The following CACNA1F variants were observed in gnomAD, a reference collection of about 807,000 sequenced individuals.
The protein encoded by CACNA1F is calcium voltage-gated channel subunit alpha1 F, also known as voltage-dependent L-type calcium channel subunit alpha-1F.
A neutral mutation model predicts 143.8 loss-of-function variants in CACNA1F; 59 were observed. That is an observed-to-expected ratio of 0.41 (90% CI 0.33 to 0.51). The LOEUF (loss-of-function observed/expected upper bound fraction) is 0.51. Ranked by LOEUF, CACNA1F falls within the 20% of genes least tolerant of loss-of-function variation. CACNA1F has a pLI of 0.22. For missense variants in CACNA1F, 1,411 were observed against 1,647.5 expected (o/e 0.86, Z 2.48); for synonymous variants, 643 against 649.1 (o/e 0.99, Z 0.14).
intron 39 of CACNA1F, 90 bp downstream of exon 39, chrX:49,210,211 G>A (rs2147895474): frequency 2.7e-6 from 2 of 742,618 alleles, no homozygotes; most frequent in East Asian, 6.3e-5. Context: ...CCATTCTGGG[G>A]TTCAGAGCTA....
chrX:49,225,786 T>G, intron 13 of CACNA1F, 123 bp downstream of exon 13: 1 of 501,513 alleles, frequency 2.0e-6, no homozygotes, highest in Non-Finnish European at 3.4e-6. Context: ...GGCTCTGGAT[T>G]TATTTGGGTA....
At position 49,226,276 on chromosome X, in the gene CACNA1F, G is replaced by A. The variant is rs73498074; in HGVS notation, c.1464-33C>T. The A allele has an allele frequency of 1.1e-3, 1,322 of 1,176,693 alleles. 13 individuals carry two copies. The African/African-American group carries it at 0.019, about 17-fold the overall frequency. On this transcript the variant is annotated intron_variant, in intron 11 of 47. Coordinates refer to ENST00000323022, the MANE Select transcript of CACNA1F (RefSeq NM_001256789.3). ...AGAAGGGGGATGGGAGGTGTGTGTC[G>A]TAAAGGGCAGAAGGGGTGTCAGTGA...
chrX:49,212,298 T>C lies in CACNA1F; in HGVS notation c.3953A>G (p.Tyr1318Cys), dbSNP rs2065664540. Residue 1318 changes from tyrosine to cysteine, a missense_variant, in exon 34 of 48, where the codon TAT becomes TGT. Tyr to Cys is a radical substitution (Grantham distance 194). Transcript: ENST00000323022. ...TFIKSFQALP[Y>C]VALLIAMIFF... Reference sequence around the variant, plus strand: ...TATCATTGCGATGAGAAGAGCCACATAGGGCAAGGCCTATAGGGATGGGGG... The same window carrying C: ...TATCATTGCGATGAGAAGAGCCACACAGGGCAAGGCCTATAGGGATGGGGG... The C allele has an allele frequency of 2.5e-6, 3 of 1,203,008 alleles. No homozygotes were observed. Among genetic ancestry groups the C allele is most frequent in the Admixed American group, 2.2e-5 (1 of 45,993 alleles).
chrX:49,226,990 G>A lies in CACNA1F; in HGVS notation c.1256C>T (p.Pro419Leu). Residue 419 changes from proline (P) to leucine (L), a missense_variant, in exon 9 of 48, where the codon CCC becomes CTC. Physicochemically the swap from Pro to Leu is moderately conservative, Grantham distance 98. Transcript: ENST00000323022. ...AGAACCAAGGTTGTCATCGGCGGAG[G>A]GGTCCTCCATGTCCAGCTCTTCGGC... ...TQAEELDMEDPSADDNLGPQL... is the reference protein window; with the variant it reads ...TQAEELDMEDLSADDNLGPQL... 1 of 1,211,917 alleles carries A rather than the reference G, an allele frequency of 8.3e-7. No homozygotes were observed. Among genetic ancestry groups the A allele is most frequent in the South Asian group, 1.8e-5 (1 of 56,986 alleles).
Position 49,210,055 on chromosome X carries a change from A to T in CACNA1F, c.4589-13T>A. 1.8e-6 allele frequency: 2 copies of T among 1,142,594 alleles called. No individual in the cohort carries two copies. The highest frequency in any genetic ancestry group is 2.4e-6 in the Non-Finnish European group (2 of 832,652). 94.2% of individuals were successfully genotyped at this position (1,142,594 alleles called of 1,213,427 possible). A position where few individuals can be genotyped will look rare whatever the true frequency, so the allele number is the denominator to read the frequency against. On this transcript the variant is annotated splice_polypyrimidine_tract_variant and intron_variant, in intron 39 of 47. Coordinates refer to ENST00000323022, the MANE Select transcript of CACNA1F (RefSeq NM_001256789.3). ...TGCTCCAGGTTCCCTGCGTTGGAGG[A>T]GGATGTGGGGCATGAGCCAATAGGA...
Position 49,214,215 on chromosome X carries a change from A to G in CACNA1F, c.3652T>C (p.Phe1218Leu), listed in dbSNP as rs910396299. ...NYAMDILNMVFTGLFTIEMVL... is the reference protein window; with the variant it reads ...NYAMDILNMVLTGLFTIEMVL... ...ATCTCAATAGTGAAGAGGCCAGTGAAGACCATGTTGAGGATGTCCATGGCA... is the reference window on the plus strand; with the variant it reads ...ATCTCAATAGTGAAGAGGCCAGTGAGGACCATGTTGAGGATGTCCATGGCA... Residue 1218 changes from phenylalanine (F) to leucine (L), a missense_variant, in exon 30 of 48, where the codon TTC becomes CTC. Coordinates refer to ENST00000323022, the MANE Select transcript of CACNA1F (RefSeq NM_001256789.3). The G allele has an allele frequency of 5.0e-6, 6 of 1,204,825 alleles. No individual in the cohort carries two copies. In the African/African-American group the frequency reaches 8.7e-5, roughly 18 times the overall value.
chrX:49,228,263 A>G lies in CACNA1F; in HGVS notation c.1002T>C (p.Asp334=). The part of the protein sequence containing the change: ...FQCVTMEGWT[D]VLYWMQDAMG... ...CAGTCCACCTCACCCAGTAGAGCAC[A>G]TCGGTCCAGCCTTCCATGGTGACAC... is the stretch of plus-strand genomic sequence containing the variant. The change falls in exon 7 of 48, where the codon GAT becomes GAC. Residue 334 remains aspartate (D), a synonymous_variant. Coordinates refer to ENST00000323022, the MANE Select transcript of CACNA1F (RefSeq NM_001256789.3). 8.3e-6 allele frequency: 10 copies of G among 1,211,664 alleles called. No individual in the cohort carries two copies. Among genetic ancestry groups the G allele is most frequent in the Non-Finnish European group, 1.1e-5 (10 of 895,053 alleles).
At chrX:49,209,789 C>A in intron 40 of CACNA1F, 30 bp from the exon 41 acceptor site, 1 of 1,209,012 alleles carries the variant, frequency 8.3e-7, no homozygotes, top group Non-Finnish European at 1.1e-6. Context: ...GGCAAGATCA[C>A]ACAGGGGCCC....
chrX:49,229,935 G>T (rs1367068871), intron 6 of CACNA1F, among the ~76,000 whole-genome samples: 1 of 112,376 alleles, frequency 8.9e-6, no homozygotes, highest in African/African-American at 3.2e-5. Flanking sequence ...CAGGCGCAGA[G>T]TCTTGTCTTA....
chrX:49,230,308 G>A lies in CACNA1F; in HGVS notation c.729C>T (p.Leu243=), dbSNP rs2065864565. 4 of 1,205,678 alleles carry A rather than the reference G, an allele frequency of 3.3e-6. No homozygotes were observed. Among genetic ancestry groups the A allele is most frequent in the Admixed American group, 4.4e-5 (2 of 45,635 alleles). Residue 243 remains leucine (L), a synonymous_variant, in exon 6 of 48, where the codon CTC becomes CTT. Coordinates refer to ENST00000323022, the MANE Select transcript of CACNA1F (RefSeq NM_001256789.3). ...CATAAATGATGATGACGAAGAGCAC[G>A]AGCAGTGCAATGTGCAGCAGCGGCA... The part of the protein sequence containing the change: ...ALVPLLHIAL[L]VLFVIIIYAI...
intron 1 of CACNA1F, 58 bp from the exon 2 acceptor site, chrX:49,231,985 C>T: frequency 9.4e-7 from 1 of 1,062,659 alleles, no homozygotes; most frequent in Admixed American, 2.9e-5. Flanking sequence ...GTGGCTGCTT[C>T]CTACCTGATC....
intron 46 of CACNA1F, 49 bp downstream of exon 46, chrX:49,206,462 C>T (rs782634242): frequency 1.2e-6 from 1 of 819,468 alleles, no homozygotes; most frequent in Non-Finnish European, 1.8e-6. Context: ...GCCTAGGCTG[C>T]CCCCATCTCT....
chrX:49,233,218 G>T (rs1557111670), intron 1 of CACNA1F, 67 bp downstream of exon 1: 1 of 880,445 alleles, frequency 1.1e-6, no homozygotes, highest in Admixed American at 2.5e-5. Context: ...GTCTGGGTGG[G>T]CAATGGGTGG....
chrX:49,224,933 A>C lies in CACNA1F; in HGVS notation c.1705T>G (p.Leu569Val). 1 of 1,207,961 alleles carries C rather than the reference A, an allele frequency of 8.3e-7. No individual in the cohort carries two copies. The highest frequency in any genetic ancestry group is 1.1e-6 in the Non-Finnish European group (1 of 892,671). ...CLFTVEMLLK[L>V]YGLGPSAYVS... ...TAGGCAGAGGGGCCCAGACCGTACAATTTGAGAAGCATCTCCACCGTGAAC... is the reference window on the plus strand; with the variant it reads ...TAGGCAGAGGGGCCCAGACCGTACACTTTGAGAAGCATCTCCACCGTGAAC... The change falls in exon 14 of 48, where the codon TTG becomes GTG. Residue 569 changes from leucine (L) to valine (V), a missense_variant. Around this residue, in one of 3 missense-constraint regions of CACNA1F, gnomAD observed 950 missense variants for 1,128.1 expected, o/e 0.84. Coordinates refer to ENST00000323022, the MANE Select transcript of CACNA1F (RefSeq NM_001256789.3).
In CACNA1F at chrX:49,210,699, G is replaced by C; in HGVS notation, c.4389-13C>G. On this transcript the variant is annotated splice_polypyrimidine_tract_variant and intron_variant, in intron 37 of 47. Transcript: ENST00000323022. ...TTTGATGCGGCCCCTGGAGGAGTTG[G>C]GGAGGTACCACTGGATTGGCGATGC... 1 of 1,184,923 alleles carries C rather than the reference G, an allele frequency of 8.4e-7. No homozygotes were observed. The highest frequency in any genetic ancestry group is 1.1e-6 in the Non-Finnish European group (1 of 873,740).
intron 3 of CACNA1F, 43 bp downstream of exon 3, chrX:49,231,159 G>T: frequency 1.1e-6 from 1 of 932,224 alleles, no homozygotes; most frequent in Non-Finnish European, 1.5e-6. Flanking sequence ...CTCTACTGGG[G>T]CTCTATTTGG....
rs782561930 is a variant in CACNA1F at position 49,209,648 on chromosome X, C to G, written c.4802G>C (p.Ser1601Thr). ...GAAGACCTGAAGGGCGGAAGAGGTGCTAGGGGCGGCGTCGTTGCCTAGTAG... is the reference window on the plus strand; with the variant it reads ...GAAGACCTGAAGGGCGGAAGAGGTGGTAGGGGCGGCGTCGTTGCCTAGTAG... ...KGLLGNDAAP[S>T]TSSALQAGLR... The change falls in exon 41 of 48, where the codon AGC becomes ACC. Residue 1601 changes from serine (S) to threonine (T), a missense_variant. Around this residue, in one of 3 missense-constraint regions of CACNA1F, gnomAD observed 349 missense variants for 350.2 expected, o/e 1.00. Coordinates refer to ENST00000323022, the MANE Select transcript of CACNA1F (RefSeq NM_001256789.3). 3.1e-5 allele frequency: 38 copies of G among 1,209,763 alleles called. No individual in the cohort carries two copies. Among genetic ancestry groups the G allele is most frequent in the Non-Finnish European group, 4.0e-5 (36 of 894,811 alleles).
chrX:49,209,232 GT>G (rs782559587), intron 42 of CACNA1F, 29 bp downstream of exon 42: 1 of 1,203,903 alleles, frequency 8.3e-7, no homozygotes, highest in South Asian at 1.8e-5. Flanking sequence ...TTACAATCAA[GT>G]TCCTGGGAGA....
chrX:49,231,015 C>T, intron 3 of CACNA1F, 26 bp from the exon 4 acceptor site: 1 of 972,148 alleles, frequency 1.0e-6, no homozygotes, highest in South Asian at 2.1e-5. Flanking sequence ...GGGGGCGGGT[C>T]GGGAAGTCGA....
Sources: gnomAD v4.1 joint callset for allele counts (sites outside exome capture counted in the v4.1 genomes callset) on GRCh38, gnomAD v4.1.1 for gene constraint, gnomAD v4.1.1 regional missense constraint, MANE v1.5 for transcripts, NCBI Gene and HGNC (gene_info 2026-07-23, HGNC 2026-07-21) for gene names.